The following SOX5 variants were observed in gnomAD, a reference collection of about 807,000 sequenced individuals.
The protein encoded by SOX5 is transcription factor SOX-5.
SOX5 carries 9 observed loss-of-function variants against 92.0 expected under a neutral mutation model. That is an observed-to-expected ratio of 0.10 (90% CI 0.06 to 0.17). The LOEUF (loss-of-function observed/expected upper bound fraction) is 0.17. Ranked by LOEUF, SOX5 falls within the 10% of genes least tolerant of loss-of-function variation. SOX5 has a pLI of 1.00. For missense variants in SOX5, 642 were observed against 944.5 expected (o/e 0.68, Z 4.20); for synonymous variants, 344 against 336.3 (o/e 1.02, Z -0.25).
chr12:24,143,823 A>G (rs1022098669), intron 4 of SOX5, among the ~76,000 whole-genome samples: 1 of 151,700 alleles, frequency 6.6e-6, no homozygotes, highest in Non-Finnish European at 1.5e-5. Flanking sequence ...AAAGAAGAAG[A>G]AAGAAAGAGG....
intron 9 of SOX5, among the ~76,000 whole-genome samples, chr12:23,588,986 T>G (rs1040781236): frequency 3.9e-5 from 6 of 151,938 alleles, no homozygotes; most frequent in African/African-American, 1.4e-4. Context: ...TCATGTAACC[T>G]AAGTGTGTAG....
intron 9 of SOX5, among the ~76,000 whole-genome samples, chr12:23,589,720 G>T (rs974195): frequency 0.54 from 81,269 of 151,698 alleles, 22,565 homozygotes; most frequent in Middle Eastern, 0.61. Context: ...TTAAATTTCA[G>T]AGTCGTTTTG....
chr12:24,554,568 G>T (rs189657415), intron 1 of SOX5, among the ~76,000 whole-genome samples: 2 of 152,116 alleles, frequency 1.3e-5, no homozygotes, highest in African/African-American at 2.4e-5. Flanking sequence ...CATCCTCCTT[G>T]GATTCCAAAG....
At chr12:24,153,138 C>T (rs1259570296) in intron 4 of SOX5, among the ~76,000 whole-genome samples, 2 of 152,132 alleles carry the variant, frequency 1.3e-5, no homozygotes, top group Non-Finnish European at 2.9e-5. Context: ...CACCAAACCT[C>T]CCATTGTGCT....
chr12:24,027,362 T>G (rs1192423532), intron 4 of SOX5, among the ~76,000 whole-genome samples: 1 of 152,062 alleles, frequency 6.6e-6, no homozygotes, highest in African/African-American at 2.4e-5. Flanking sequence ...TTGGATGGTT[T>G]GCAGGCACCT....
chr12:24,214,074 A>G (rs1429147244), intron 3 of SOX5, among the ~76,000 whole-genome samples: 3 of 152,106 alleles, frequency 2.0e-5, no homozygotes, highest in African/African-American at 7.2e-5. Flanking sequence ...TATGGAATAC[A>G]TGTATATGTA....
At chr12:23,957,444 T>C (rs531624487) in intron 4 of SOX5, among the ~76,000 whole-genome samples, 72 of 152,370 alleles carry the variant, frequency 4.7e-4, no homozygotes, top group African/African-American at 1.7e-3. Context: ...AGTCTCTTAC[T>C]ACAGTAAATA....
At chr12:24,237,252 C>T (rs181093032) in intron 3 of SOX5, among the ~76,000 whole-genome samples, 53 of 152,204 alleles carry the variant, frequency 3.5e-4, no homozygotes, top group African/African-American at 1.3e-3. Flanking sequence ...TTCCTGAGAC[C>T]GAGTTTCCCA....
rs2074971412 is a variant in SOX5, at chr12:23,604,391, C to T, written c.1160G>A (p.Ser387Asn). Residue 387 changes from serine to asparagine, a missense_variant, in exon 9 of 15, where the codon AGC (serine) becomes AAC (asparagine). Physicochemically the swap from Ser to Asn is conservative, Grantham distance 46 (BLOSUM62 1). Around this residue, in one of 8 missense-constraint regions of SOX5, gnomAD observed 324 missense variants for 461.6 expected, o/e 0.70. Coordinates refer to ENST00000451604, the MANE Select transcript of SOX5 (RefSeq NM_006940.6). The stretch of plus-strand genomic sequence containing the variant: ...GTGGCTTCTTCAAAAGGGTACCTTG[C>T]TTTTGGGTGGTGGGCTGTTTGTGCT... ...DKSTNSPPPK[S>N]KDEVAQPLNL... The T allele has an allele frequency of 6.2e-7, 1 of 1,613,484 alleles. No individual in the cohort carries two copies. The highest frequency in any genetic ancestry group is 8.5e-7 in the Non-Finnish European group (1 of 1,179,638).
chr12:23,938,543 G>A (rs768881208), intron 1 of SOX5, among the ~76,000 whole-genome samples: 7 of 150,904 alleles, frequency 4.6e-5, no homozygotes, highest in Non-Finnish European at 7.4e-5. Context: ...TTTATTCTAC[G>A]AAATGATTCA....
chr12:24,338,783 C>T (rs927907688), intron 2 of SOX5, among the ~76,000 whole-genome samples: 5 of 152,152 alleles, frequency 3.3e-5, no homozygotes, highest in Non-Finnish European at 4.4e-5. Flanking sequence ...CCCCTGTACA[C>T]GCTCTCTTGC....
intron 1 of SOX5, among the ~76,000 whole-genome samples, chr12:23,927,199 A>C (rs544639940): frequency 6.6e-6 from 1 of 152,092 alleles, no homozygotes; most frequent in Non-Finnish European, 1.5e-5. Flanking sequence ...CAGTTATTCA[A>C]ATTCACCTAA....
intron 3 of SOX5, among the ~76,000 whole-genome samples, chr12:23,793,887 A>C (rs1248551825): frequency 6.6e-6 from 1 of 152,178 alleles, no homozygotes; most frequent in Non-Finnish European, 1.5e-5. Flanking sequence ...TCCTTCTTAA[A>C]TTTTGTCACC....
chr12:24,303,533 A>G (rs919438328), intron 2 of SOX5, among the ~76,000 whole-genome samples: 7 of 152,226 alleles, frequency 4.6e-5, no homozygotes, highest in African/African-American at 1.7e-4. Context: ...ATTTCCTTTA[A>G]ATATAGCAAA....
intron 2 of SOX5, among the ~76,000 whole-genome samples, chr12:24,334,049 G>T (rs775323453): frequency 1.1e-4 from 17 of 151,550 alleles, no homozygotes; most frequent in South Asian, 6.3e-4. Flanking sequence ...TTTAATGAAT[G>T]AATTGGGGAA....
chr12:24,394,644 T>C (rs1459807728), intron 1 of SOX5, among the ~76,000 whole-genome samples: 1 of 152,180 alleles, frequency 6.6e-6, no homozygotes, highest in Non-Finnish European at 1.5e-5. Context: ...AATATCCATA[T>C]CTCTATCTGA....
In SOX5 at chr12:23,536,472, G is replaced by T. The variant is rs1421356809; in HGVS notation, c.1969C>A (p.Arg657=). ...AIMRNRRQEM[R]QYFNVGQQAQ... ...ACATACCCAACATTGAAGTACTGCC[G>T]CATTTCCTGCCGCCTGTTGCGCATG... The change falls in exon 14 of 15, where the codon CGG becomes AGG. Residue 657 remains arginine, a synonymous_variant. Transcript: ENST00000451604. The T allele has an allele frequency of 1.2e-6, 2 of 1,613,856 alleles. No homozygotes were observed. The highest frequency in any genetic ancestry group is 2.2e-5 in the East Asian group (1 of 44,874).
At position 24,112,521 on chromosome 12, in the gene SOX5, CTTT is replaced by C. The variant is rs139323766; in HGVS notation, c.-2+100819_-2+100821del. Among the ~76,000 whole-genome samples, 20 of 75,688 alleles carry C rather than the reference CTTT, an allele frequency of 2.6e-4. No individual in the cohort carries two copies. The South Asian group carries it at 3.8e-3, about 14-fold the overall frequency. The allele number at this position is 75,688 out of a possible 152,430, so 49.7% of individuals were successfully genotyped here. A position where few individuals can be genotyped will look rare whatever the true frequency, so the allele number is the denominator to read the frequency against. On this transcript the variant is annotated intron_variant, in intron 4 of 4. Transcript: ENST00000446891. Reference sequence around the variant, plus strand: ...GGGATACAGAACAACTTCAAGGTTCCTTTTTTTTTTTTTTTTTTTTTTTTTTTG... The same window carrying C: ...GGGATACAGAACAACTTCAAGGTTCCTTTTTTTTTTTTTTTTTTTTTTTTG...
intron 2 of SOX5, among the ~76,000 whole-genome samples, chr12:24,309,696 T>C (rs1948982519): frequency 6.6e-6 from 1 of 152,174 alleles, no homozygotes; most frequent in African/African-American, 2.4e-5. Context: ...TTGTGGTACA[T>C]ATATACTATA....
Sources: allele counts gnomAD v4.1 joint callset (sites outside exome capture counted in the v4.1 genomes callset), GRCh38; gene constraint gnomAD v4.1.1; regional missense constraint gnomAD v4.1.1; transcripts MANE v1.5; gene names NCBI Gene and HGNC (gene_info 2026-07-23, HGNC 2026-07-21).